Variants in PDZRN3 observed in about 807,000 individuals in gnomAD.
The protein encoded by PDZRN3 is PDZ domain containing ring finger 3.
A neutral mutation model predicts 85.7 loss-of-function variants in PDZRN3; 38 were observed. That is an observed-to-expected ratio of 0.44 (90% confidence interval 0.34 to 0.58). PDZRN3 has a LOEUF of 0.58. Among genes scored for constraint, PDZRN3 ranks in the 20% least tolerant of loss-of-function variants. The pLI, the probability that PDZRN3 is intolerant of heterozygous loss-of-function variation, is 0.01. For missense variants in PDZRN3, 1,629 were observed against 1,506.4 expected, an observed-to-expected ratio of 1.08 and a Z score of -1.35; for synonymous variants, 759 against 638.0, an observed-to-expected ratio of 1.19 and a Z score of -2.86.
chr3:73,586,944 A>T (rs1353990308), intron 3 of PDZRN3, among the ~76,000 whole-genome samples: 1 of 152,240 alleles, frequency 6.6e-6, no homozygotes, highest in African/African-American at 2.4e-5. Flanking sequence ...GAAGTTCATA[A>T]GTGGAAAGGT....
At chr3:73,533,054 C>T (rs1056558106) in intron 3 of PDZRN3, among the ~76,000 whole-genome samples, 8 of 152,128 alleles carry the variant, frequency 5.3e-5, no homozygotes, top group South Asian at 2.1e-4. Flanking sequence ...TCTTTACGTC[C>T]ATAGGTTTCA....
intron 5 of PDZRN3, among the ~76,000 whole-genome samples, chr3:73,395,307 A>G (rs577411953): frequency 3.3e-5 from 5 of 152,370 alleles, no homozygotes; most frequent in African/African-American, 9.6e-5. Context: ...TCAATATGTT[A>G]TCTGTCTGTG....
At chr3:73,459,167 C>G (rs1004864885) in intron 3 of PDZRN3, among the ~76,000 whole-genome samples, 1 of 151,938 alleles carries the variant, frequency 6.6e-6, no homozygotes, top group Non-Finnish European at 1.5e-5. Context: ...GCTTATAAAA[C>G]CATCAGATCT....
chr3:73,603,595 C>G (rs914973055), intron 2 of PDZRN3, among the ~76,000 whole-genome samples: 1 of 152,144 alleles, frequency 6.6e-6, no homozygotes, highest in Non-Finnish European at 1.5e-5. Flanking sequence ...TGGTAAATTC[C>G]TTGCCGTATG....
intron 3 of PDZRN3, among the ~76,000 whole-genome samples, chr3:73,554,267 C>T (rs1197684016): frequency 2.6e-5 from 4 of 151,948 alleles, no homozygotes; most frequent in Non-Finnish European, 4.4e-5. Flanking sequence ...GGCCAAGTCA[C>T]AAAATTTCTC....
chr3:73,471,721 C>T (rs550331405), intron 3 of PDZRN3, among the ~76,000 whole-genome samples: 21 of 152,244 alleles, frequency 1.4e-4, no homozygotes, highest in Non-Finnish European at 2.8e-4. Flanking sequence ...TCTCAGTCCA[C>T]ATCCTGAAGG....
chr3:73,413,685 G>C (rs147960605), intron 3 of PDZRN3, among the ~76,000 whole-genome samples: 1 of 152,168 alleles, frequency 6.6e-6, no homozygotes, highest in Non-Finnish European at 1.5e-5. Flanking sequence ...GGAGGCCGAG[G>C]TGTTCACCGG....
intron 3 of PDZRN3, among the ~76,000 whole-genome samples, chr3:73,470,907 C>T (rs936970810): frequency 3.3e-5 from 5 of 152,136 alleles, no homozygotes; most frequent in Non-Finnish European, 5.9e-5. Context: ...AAACACATTC[C>T]AAATTGACTT....
In PDZRN3 at chr3:73,400,949, C is replaced by T. The variant is rs1481819797; in HGVS notation, c.1227G>A (p.Glu409=). 7.4e-6 allele frequency: 12 copies of T among 1,613,604 alleles called. No individual in the cohort carries two copies. Among genetic ancestry groups the T allele is most frequent in the Non-Finnish European group, 1.0e-5 (12 of 1,179,476 alleles). Residue 409 remains glutamate, a synonymous_variant, in exon 5 of 10, where the codon GAG becomes GAA. Coordinates refer to ENST00000263666, the MANE Select transcript of PDZRN3 (RefSeq NM_015009.3). ...CCAGCTCCAGCTCCTCCCTGTCCAT[C>T]TCCTGATGGATGTCTCCAATGTAGT... ...PNDYIGDIHQ[E]MDREELELEE...
At chr3:73,493,087 C>T (rs111647173) in intron 3 of PDZRN3, among the ~76,000 whole-genome samples, 2,068 of 143,732 alleles carry the variant, frequency 0.014, 39 homozygotes, top group African/African-American at 0.041. Context: ...AGGGTATGTC[C>T]GGGCCCCCAT....
rs183591847 is a variant in PDZRN3 at position 73,433,877 on chromosome 3, C to A, written c.919-29482G>T. 37 of 1,433,376 alleles carry A rather than the reference C, an allele frequency of 2.6e-5. No individual in the cohort carries two copies. The African/African-American group carries it at 4.0e-4, about 16-fold the overall frequency. 88.8% of individuals were successfully genotyped at this position (1,433,376 alleles called of 1,614,324 possible). ...GAGGCTAGACAACAACTCTCTCCCC[C>A]CTTCCACGCTTCCCTTCCTCCCCTC... On this transcript the variant is annotated intron_variant, in intron 3 of 9. Coordinates refer to ENST00000263666, the MANE Select transcript of PDZRN3 (RefSeq NM_015009.3).
At chr3:73,574,452 T>TGGGGGGGGGG (rs776864460) in intron 3 of PDZRN3, among the ~76,000 whole-genome samples, 15 of 23,602 alleles carry the variant, frequency 6.4e-4, no homozygotes, top group Middle Eastern at 0.024. Flanking sequence ...TTTTTTTGGC[T>TGGGGGGGGGG]GGGGTGGGGG....
At chr3:73,418,225 T>C (rs1241823793) in intron 3 of PDZRN3, among the ~76,000 whole-genome samples, 5 of 152,172 alleles carry the variant, frequency 3.3e-5, no homozygotes. Flanking sequence ...GAATGGTGGG[T>C]TAATACCTTA....
chr3:73,383,672 C>T lies in PDZRN3; in HGVS notation c.2894G>A (p.Ser965Asn). The change falls in exon 10 of 10, where the codon AGC (serine) becomes AAC (asparagine). Residue 965 changes from serine to asparagine, a missense_variant. By Grantham distance (46) the Ser-to-Asn change is conservative. Coordinates refer to ENST00000263666, the MANE Select transcript of PDZRN3 (RefSeq NM_015009.3). Reference sequence around the variant, plus strand: ...CCAGTAGCGCCCCATCTTCATCTCGCTCACCGCGTCGTCGTCGGTGGTCAT... The same window carrying T: ...CCAGTAGCGCCCCATCTTCATCTCGTTCACCGCGTCGTCGTCGGTGGTCAT... ...SGMTTDDDAV[S>N]EMKMGRYWSK... is the part of the protein sequence containing the mutation. 4 of 1,612,534 alleles carry T rather than the reference C, an allele frequency of 2.5e-6. No individual in the cohort carries two copies. Among genetic ancestry groups the T allele is most frequent in the Non-Finnish European group, 3.4e-6 (4 of 1,180,026 alleles).
intron 3 of PDZRN3, among the ~76,000 whole-genome samples, chr3:73,446,299 G>A (rs989113818): frequency 5.3e-5 from 8 of 152,270 alleles, no homozygotes; most frequent in Non-Finnish European, 1.0e-4. Context: ...GGCAGTGAGC[G>A]TTTCTTCAAA....
intron 3 of PDZRN3, among the ~76,000 whole-genome samples, chr3:73,428,293 T>C (rs1235302661): frequency 6.6e-6 from 1 of 152,186 alleles, no homozygotes; most frequent in Admixed American, 6.5e-5. Context: ...AAAATGAATG[T>C]CTTGTGTCCC....
chr3:73,619,618 C>T (rs1400734525), intron 1 of PDZRN3, among the ~76,000 whole-genome samples: 1 of 152,124 alleles, frequency 6.6e-6, no homozygotes, highest in Non-Finnish European at 1.5e-5. Context: ...GACAGAAGAG[C>T]AAGTGCAAAG....
chr3:73,610,930 A>AT (rs1223671172), intron 1 of PDZRN3, among the ~76,000 whole-genome samples: 1 of 152,176 alleles, frequency 6.6e-6, no homozygotes, highest in Non-Finnish European at 1.5e-5. Context: ...GCTTTATTTC[A>AT]TTTTTTAATC....
At chr3:73,474,375 C>T (rs533303056) in intron 3 of PDZRN3, 13 of 765,178 alleles carry the variant, frequency 1.7e-5, no homozygotes, top group Non-Finnish European at 2.4e-5. Context: ...AAACTGCTAT[C>T]GGTGGTGTAT....
Sources: allele counts gnomAD v4.1 joint callset (sites outside exome capture counted in the v4.1 genomes callset), GRCh38; gene constraint gnomAD v4.1.1; transcripts MANE v1.5; gene names NCBI Gene and HGNC (gene_info 2026-07-23, HGNC 2026-07-21).